Variants in RPN1 observed in about 807,000 individuals in gnomAD.
RPN1 encodes the protein dolichyl-diphosphooligosaccharide--protein glycosyltransferase subunit 1.
A neutral mutation model predicts 55.5 loss-of-function variants in RPN1; 12 were observed. The observed-to-expected ratio is 0.22, with a 90% CI of 0.14 to 0.35. The LOEUF (loss-of-function observed/expected upper bound fraction) is 0.35. Ranked by LOEUF, RPN1 falls within the 10% of genes least tolerant of loss-of-function variation. The probability of loss-of-function intolerance (pLI) is 1.00; values close to 1 mark genes in which losing one functional copy is unlikely to be tolerated. For synonymous variants in RPN1, 317 were observed against 305.9 expected, an observed-to-expected ratio of 1.04 and a Z score of -0.38; for missense variants, 679 against 761.3, an observed-to-expected ratio of 0.89 and a Z score of 1.27.
At chr3:128,648,620 T>G (rs1044241701) in intron 1 of RPN1, among the ~76,000 whole-genome samples, 1 of 152,162 alleles carries the variant, frequency 6.6e-6, no homozygotes, top group Non-Finnish European at 1.5e-5. Context: ...CTCATCAGTT[T>G]CCAACACAAC....
rs766134897 is a variant in RPN1 at position 128,625,827 on chromosome 3, A to G, written c.1275+47T>C. 9 of 1,574,200 alleles carry G rather than the reference A, an allele frequency of 5.7e-6. No homozygotes were observed. In the East Asian group the frequency reaches 1.6e-4, roughly 27 times the overall value. On this transcript the variant is annotated intron_variant, in intron 7 of 9. Transcript: ENST00000296255. ...GGTGAGTTCTTGGCCCCCAGAGCCC[A>G]CTGTCTGGGGAAGACGCCATGGAAG... is the stretch of plus-strand genomic sequence containing the variant.
intron 3 of RPN1, among the ~76,000 whole-genome samples, chr3:128,634,737 A>T (rs1341928534): frequency 6.6e-6 from 1 of 151,824 alleles, no homozygotes; most frequent in Non-Finnish European, 1.5e-5. Flanking sequence ...TAATTTTTTT[A>T]TCTTTAGTAG....
chr3:128,644,904 T>G lies in RPN1; in HGVS notation c.326+15A>C. The G allele has an allele frequency of 2.1e-6, 3 of 1,412,340 alleles. No individual in the cohort carries two copies. Among genetic ancestry groups the G allele is most frequent in the East Asian group, 4.6e-5 (2 of 43,942 alleles). The allele number at this position is 1,412,340 out of a possible 1,614,324, so 87.5% of individuals were successfully genotyped here. On this transcript the variant is annotated intron_variant, in intron 2 of 9. Transcript: ENST00000296255. ...ACCTTTAACAAGAGACAAGGTATAT[T>G]GTTTGTCAGCTTACCTTTTACCCTT... is the stretch of plus-strand genomic sequence containing the variant.
intron 8 of RPN1, among the ~76,000 whole-genome samples, chr3:128,624,545 T>C (rs1274879005): frequency 6.6e-6 from 1 of 151,316 alleles, no homozygotes; most frequent in East Asian, 1.9e-4. Flanking sequence ...ACAGTTCGGC[T>C]GGATCAACAT....
intron 1 of RPN1, among the ~76,000 whole-genome samples, chr3:128,648,373 G>A (rs1054344694): frequency 2.0e-5 from 3 of 151,402 alleles, no homozygotes; most frequent in Non-Finnish European, 4.4e-5. Flanking sequence ...CCAGCCTGGC[G>A]ACAGAGCAAG....
intron 9 of RPN1, among the ~76,000 whole-genome samples, 165 bp from the exon 10 acceptor site, chr3:128,620,758 G>A (rs1352254430): frequency 2.6e-5 from 4 of 152,210 alleles, no homozygotes; most frequent in Non-Finnish European, 5.9e-5. Context: ...TATGGAGGAA[G>A]ATAGGCCTGG....
In RPN1 at chr3:128,630,157, G is replaced by A. The variant is rs377258310; in HGVS notation, c.844-14C>T. 2.2e-5 allele frequency: 35 copies of A among 1,586,572 alleles called. No individual in the cohort carries two copies. Among genetic ancestry groups the A allele is most frequent in the East Asian group, 4.5e-5 (2 of 44,508 alleles). On this transcript the variant is annotated splice_polypyrimidine_tract_variant and intron_variant, in intron 4 of 9. Coordinates refer to ENST00000296255, the MANE Select transcript of RPN1 (RefSeq NM_002950.4). The stretch of plus-strand genomic sequence containing the variant: ...AGGAAGGATGGTCTGCAAGAGAGTG[G>A]ATATGCCCTTCTAAAACTCCAGGAA...
intron 2 of RPN1, among the ~76,000 whole-genome samples, chr3:128,640,353 C>T (rs1002768029): frequency 3.3e-5 from 5 of 152,102 alleles, no homozygotes; most frequent in African/African-American, 1.2e-4. Context: ...ACATGGATCA[C>T]TCTTCCTGAT....
intron 9 of RPN1, among the ~76,000 whole-genome samples, chr3:128,621,469 G>T (rs987658136): frequency 6.6e-6 from 1 of 152,188 alleles, no homozygotes; most frequent in Non-Finnish European, 1.5e-5. Flanking sequence ...ACTCCAGCAT[G>T]GGCGACAGAG....
chr3:128,637,598 CT>C (rs1030778074), intron 3 of RPN1, among the ~76,000 whole-genome samples, 200 bp downstream of exon 3: 1 of 152,148 alleles, frequency 6.6e-6, no homozygotes, highest in Non-Finnish European at 1.5e-5. Flanking sequence ...AATGCTACCC[CT>C]AGCCTCTACC....
At chr3:128,628,158 G>C (rs2069613889) in intron 5 of RPN1, among the ~76,000 whole-genome samples, 1 of 151,980 alleles carries the variant, frequency 6.6e-6, no homozygotes, top group Non-Finnish European at 1.5e-5. Context: ...TCCAGAAGCT[G>C]AGGCAGGAGA....
At chr3:128,629,498 T>G (rs1576793726) in intron 5 of RPN1, among the ~76,000 whole-genome samples, 2 of 151,746 alleles carry the variant, frequency 1.3e-5, no homozygotes, top group African/African-American at 2.4e-5. Context: ...GAGGTGGAGG[T>G]TGCAGTGAGC....
At chr3:128,649,478 G>A (rs897990338) in intron 1 of RPN1, among the ~76,000 whole-genome samples, 1 of 152,168 alleles carries the variant, frequency 6.6e-6, no homozygotes, top group African/African-American at 2.4e-5. Context: ...GACAACGCAT[G>A]AAAGAAAATA....
At chr3:128,650,494 G>A (rs1220891306) in intron 1 of RPN1, 46 bp downstream of exon 1, 2 of 1,492,926 alleles carry the variant, frequency 1.3e-6, no homozygotes, top group Non-Finnish European at 8.9e-7. Flanking sequence ...AGGAAGGGAG[G>A]CGGGAAGGGT....
chr3:128,627,042 C>T, intron 5 of RPN1: 1 of 556,798 alleles, frequency 1.8e-6, no homozygotes, highest in Non-Finnish European at 3.2e-6. Flanking sequence ...CACCGACAGC[C>T]ACAAGACCTT....
intron 5 of RPN1, among the ~76,000 whole-genome samples, chr3:128,629,388 C>T (rs1423126211): frequency 1.3e-5 from 2 of 152,012 alleles, no homozygotes; most frequent in African/African-American, 4.8e-5. Context: ...TGGTGAAACC[C>T]CATCTCTACT....
intron 1 of RPN1, among the ~76,000 whole-genome samples, chr3:128,646,009 C>T (rs2069764045): frequency 6.6e-6 from 1 of 151,898 alleles, no homozygotes; most frequent in Non-Finnish European, 1.5e-5. Context: ...CTTTGGGAGG[C>T]CAAGGTGGGC....
chr3:128,638,324 C>T (rs767068500), intron 2 of RPN1, among the ~76,000 whole-genome samples: 13 of 151,996 alleles, frequency 8.6e-5, no homozygotes, highest in Non-Finnish European at 1.6e-4. Flanking sequence ...TGGGTTCAAG[C>T]GATTCTCCTG....
chr3:128,626,067 G>A, intron 6 of RPN1, 55 bp from the exon 7 acceptor site: 1 of 1,520,624 alleles, frequency 6.6e-7, no homozygotes, highest in South Asian at 1.3e-5. Context: ...CAATAAACCA[G>A]ATTTAGGATC....
Sources: allele counts gnomAD v4.1 joint callset (sites outside exome capture counted in the v4.1 genomes callset), GRCh38; gene constraint gnomAD v4.1.1; transcripts MANE v1.5; gene names NCBI Gene and HGNC (gene_info 2026-07-23, HGNC 2026-07-21).